Variants in CHD3 observed in about 807,000 individuals in gnomAD.
The protein encoded by CHD3 is ATP-dependent chromatin remodeler CHD3.
Under a neutral mutation model 248.9 loss-of-function variants are expected in CHD3, and 52 were observed. That is an observed-to-expected ratio of 0.21 (90% CI 0.17 to 0.26). CHD3 has a LOEUF of 0.26. Ranked by LOEUF, CHD3 falls within the 10% of genes least tolerant of loss-of-function variation. The probability of loss-of-function intolerance (pLI) is 1.00; values close to 1 mark genes in which losing one functional copy is unlikely to be tolerated. For synonymous variants in CHD3, 985 were observed against 985.2 expected (o/e 1.00, Z 0.00); for missense variants, 1,482 against 2,605.8 (o/e 0.57, Z 9.39).
chr17:7,890,382 TC>T (rs1269443260), intron 2 of CHD3, 188 bp from the exon 3 acceptor site: 2 of 452,584 alleles, frequency 4.4e-6, no homozygotes, highest in Admixed American at 4.0e-5. Context: ...TGAGCCGAGA[TC>T]ACGTCAGTGC....
intron 2 of CHD3, 130 bp from the exon 3 acceptor site, chr17:7,890,441 G>A (rs1968669947): frequency 3.0e-6 from 2 of 660,454 alleles, no homozygotes; most frequent in Non-Finnish European, 4.8e-6. Context: ...AAAAAAAAAA[G>A]GAGATAAAAA....
Position 7,904,129 on chromosome 17 carries a change from G to T in CHD3, c.3894+138G>T. 1.2e-6 allele frequency: 1 copy of T among 863,262 alleles called. No homozygotes were observed. The highest frequency in any genetic ancestry group is 1.7e-5 in the South Asian group (1 of 58,314). The allele number at this position is 863,262 out of a possible 1,614,324, so 53.5% of individuals were successfully genotyped here. A position where few individuals can be genotyped will look rare whatever the true frequency, so the allele number is the denominator to read the frequency against. Reference sequence around the variant, plus strand: ...CTCAAACAACTTCTTCGTCTAATAGGTGAGACTGGACTTCAGAGAGAAACG... The same window carrying T: ...CTCAAACAACTTCTTCGTCTAATAGTTGAGACTGGACTTCAGAGAGAAACG... On this transcript the variant is annotated intron_variant, in intron 24 of 39. Transcript: ENST00000330494. The surrounding 1 kb of genome is among the most constrained non-coding windows in gnomAD (Gnocchi z 4.4).
Position 7,897,355 on chromosome 17 carries a change from T to G in CHD3, c.1919+61T>G. The G allele has an allele frequency of 7.2e-7, 1 of 1,380,568 alleles. No individual in the cohort carries two copies. Among genetic ancestry groups the G allele is most frequent in the East Asian group, 2.3e-5 (1 of 43,688 alleles). 85.5% of individuals were successfully genotyped at this position (1,380,568 alleles called of 1,614,324 possible). A position where few individuals can be genotyped will look rare whatever the true frequency, so the allele number is the denominator to read the frequency against. ...TATGACATTATTCTTACCATGGTGA[T>G]GGCCCCATGTTAGTATTTGCTGATT... On this transcript the variant is annotated intron_variant, in intron 11 of 39. Coordinates refer to ENST00000330494, the MANE Select transcript of CHD3 (RefSeq NM_001005273.3). This position sits in a 1 kb window ranked among gnomAD's most constrained non-coding sequence, Gnocchi z 4.8.
rs1970515762 is a variant in CHD3, at chr17:7,903,174, G to A, written c.3496-98G>A. ...TAAATCTCTTCTGGGAGGAGAGAAG[G>A]CCCTTCTTCAGCAGCCTTCTTTCCT... On this transcript the variant is annotated intron_variant, in intron 22 of 39. Transcript: ENST00000330494. The surrounding 1 kb of genome is among the most constrained non-coding windows in gnomAD (Gnocchi z 6.8). The A allele has an allele frequency of 6.4e-7, 1 of 1,564,898 alleles. No individual in the cohort carries two copies. The highest frequency in any genetic ancestry group is 1.7e-5 in the Admixed American group (1 of 58,744).
Position 7,905,202 on chromosome 17 carries a change from C to G in CHD3, c.4138+37C>G, listed in dbSNP as rs753702435. ...GTTCCTGACTCTACCTCACCTCTTC[C>G]CGTTTTATTTTCCAGTTTGCTTTAA... On this transcript the variant is annotated intron_variant, in intron 26 of 39. Coordinates refer to ENST00000330494, the MANE Select transcript of CHD3 (RefSeq NM_001005273.3). This position sits in a 1 kb window ranked among gnomAD's most constrained non-coding sequence, Gnocchi z 5.8. 2 of 1,593,560 alleles carry G rather than the reference C, an allele frequency of 1.3e-6. No homozygotes were observed. The highest frequency in any genetic ancestry group is 1.7e-5 in the Admixed American group (1 of 59,970).
chr17:7,888,713 T>G, upstream of CHD3: 3 of 700,208 alleles, frequency 4.3e-6, no homozygotes, highest in Non-Finnish European at 5.9e-6. Context: ...GGCCTGAGAG[T>G]GTGTGTGGGT....
upstream of CHD3, chr17:7,885,370 C>T: frequency 6.8e-6 from 1 of 147,140 alleles, no homozygotes; most frequent in Non-Finnish European, 1.4e-5. Flanking sequence ...GCGCTGGGCG[C>T]GAGCTGCGCG....
Position 7,902,973 on chromosome 17 carries a change from C to T in CHD3, c.3407C>T (p.Thr1136Ile), listed in dbSNP as rs1567860640. 1 of 1,614,104 alleles carries T rather than the reference C, an allele frequency of 6.2e-7. No individual in the cohort carries two copies. Residue 1136 changes from threonine (T) to isoleucine (I), a missense_variant, in exon 22 of 40, where the codon ACC becomes ATC. This residue lies in a region of CHD3 where 6 missense variants were observed against 77.2 expected (regional missense o/e 0.08). Transcript: ENST00000330494. Reference sequence around the variant, plus strand: ...CAACAATTCTGCTTCCTCCTGTCCACCCGAGCTGGGGGCCTGGGCATCAAT... The same window carrying T: ...CAACAATTCTGCTTCCTCCTGTCCATCCGAGCTGGGGGCCTGGGCATCAAT... ...GAQQFCFLLS[T>I]RAGGLGINLA...
At position 7,910,240 on chromosome 17, in the gene CHD3, C is replaced by T; in HGVS notation, c.5591-188C>T. ...CTTTTCCTGACACTTTTTCTTTTCC[C>T]CTGAGTTGCTTCTGTTTTCCATCTA... On this transcript the variant is annotated intron_variant, in intron 37 of 39. Coordinates refer to ENST00000330494, the MANE Select transcript of CHD3 (RefSeq NM_001005273.3). The surrounding 1 kb of genome is among the most constrained non-coding windows in gnomAD (Gnocchi z 4.7). 1.5e-6 allele frequency: 1 copy of T among 673,004 alleles called. No homozygotes were observed. The highest frequency in any genetic ancestry group is 2.6e-6 in the Non-Finnish European group (1 of 389,770). The allele number at this position is 673,004 out of a possible 1,614,324, so 41.7% of individuals were successfully genotyped here.
Position 7,906,239 on chromosome 17 carries a change from G to A in CHD3, c.4358+250G>A, listed in dbSNP as rs1487576044. On this transcript the variant is annotated intron_variant, in intron 28 of 39. Coordinates refer to ENST00000330494, the MANE Select transcript of CHD3 (RefSeq NM_001005273.3). The surrounding 1 kb of genome is among the most constrained non-coding windows in gnomAD (Gnocchi z 5.0). ...GGCGTTGAAGCAAGGAGCCTCTCCT[G>A]GGCTGTCCTAGCCTCACATTTACTT... 5 of 754,034 alleles carry A rather than the reference G, an allele frequency of 6.6e-6. No individual in the cohort carries two copies. The Admixed American group carries it at 8.8e-5, about 13-fold the overall frequency. The allele number at this position is 754,034 out of a possible 1,614,324, so 46.7% of individuals were successfully genotyped here. A position where few individuals can be genotyped will look rare whatever the true frequency, so the allele number is the denominator to read the frequency against.
In CHD3 at chr17:7,888,892, C is replaced by T. The variant is rs1033077101; in HGVS notation, c.-109C>T. ...TGAGATCGGGAAACAAAGGGTATGG[C>T]CCCCTAGTTCCCAAAGGGAGCAGGG... On this transcript the variant is annotated 5_prime_UTR_variant, in exon 1 of 40. Transcript: ENST00000330494. The T allele has an allele frequency of 2.6e-6, 4 of 1,546,404 alleles. No homozygotes were observed.
In CHD3 at chr17:7,893,749, T is replaced by G. The variant is rs1188563963; in HGVS notation, c.794-56T>G. On this transcript the variant is annotated intron_variant, in intron 5 of 39. Transcript: ENST00000330494. ...CCAGAGGCCCCTGTGACCTCCATAA[T>G]TCCAGGATGTCATGACCTCTCCTTT... The G allele has an allele frequency of 8.2e-6, 13 of 1,591,268 alleles. No homozygotes were observed. In the Admixed American group the frequency reaches 2.3e-4, roughly 29 times the overall value.
intron 3 of CHD3, 48 bp from the exon 4 acceptor site, chr17:7,890,892 A>G: frequency 6.2e-7 from 1 of 1,611,720 alleles, no homozygotes; most frequent in Non-Finnish European, 8.5e-7. Context: ...TGCGGCCTGG[A>G]ATAGGGGCTG....
chr17:7,891,190 A>G, intron 4 of CHD3, 126 bp downstream of exon 4: 1 of 1,106,586 alleles, frequency 9.0e-7, no homozygotes, highest in Non-Finnish European at 1.3e-6. Context: ...TACACACCAA[A>G]TTCTACACGT....
In CHD3 at chr17:7,897,344, T is replaced by TA. The variant is rs1224890677; in HGVS notation, c.1919+51dup. 6.8e-6 allele frequency: 10 copies of TA among 1,476,942 alleles called. No homozygotes were observed. The highest frequency in any genetic ancestry group is 2.0e-4 in the Middle Eastern group (1 of 4,906). 91.5% of individuals were successfully genotyped at this position (1,476,942 alleles called of 1,614,324 possible). ...CAGACCTGGTATATGACATTATTCT[T>TA]ACCATGGTGATGGCCCCATGTTAGT... On this transcript the variant is annotated intron_variant, in intron 11 of 39. Coordinates refer to ENST00000330494, the MANE Select transcript of CHD3 (RefSeq NM_001005273.3). This position sits in a 1 kb window ranked among gnomAD's most constrained non-coding sequence, Gnocchi z 4.8.
chr17:7,910,819 T>G lies in CHD3; in HGVS notation c.5755-28T>G, dbSNP rs1356025326. 1 of 1,584,058 alleles carries G rather than the reference T, an allele frequency of 6.3e-7. No homozygotes were observed. Among genetic ancestry groups the G allele is most frequent in the African/African-American group, 1.4e-5 (1 of 72,842 alleles). On this transcript the variant is annotated intron_variant, in intron 38 of 39. Transcript: ENST00000330494. The surrounding 1 kb of genome is among the most constrained non-coding windows in gnomAD (Gnocchi z 4.7). ...TTCCTCTCACAGACTATGAACTAAC[T>G]CCAACTTCTGCTTCCTCTCTGTTCC...
chr17:7,909,239 G>A lies in CHD3; in HGVS notation c.5491G>A (p.Ala1831Thr), dbSNP rs1971349334. The A allele has an allele frequency of 3.2e-6, 5 of 1,552,068 alleles. 1 individual carries two copies. The highest frequency in any genetic ancestry group is 2.7e-5 in the African/African-American group (2 of 73,100). Reference protein sequence around the residue: ...EPAHPAMALHARFAEAECLAE... With the variant: ...EPAHPAMALHTRFAEAECLAE... ...GGCGCACCCCGCCATGGCCCTCCAC[G>A]CCCGCTTCGCCGAGGCCGAGTGCCT... is the stretch of plus-strand genomic sequence containing the variant. Residue 1831 changes from alanine (A) to threonine (T), a missense_variant, in exon 37 of 40, where the codon GCC becomes ACC. Around this residue, in one of 20 missense-constraint regions of CHD3, gnomAD observed 83 missense variants for 181.0 expected, o/e 0.46. Coordinates refer to ENST00000330494, the MANE Select transcript of CHD3 (RefSeq NM_001005273.3). The surrounding 1 kb of genome is among the most constrained non-coding windows in gnomAD (Gnocchi z 8.1).
Position 7,906,719 on chromosome 17 carries a change from A to C in CHD3, c.4503+22A>C. The C allele has an allele frequency of 6.3e-7, 1 of 1,590,710 alleles. No homozygotes were observed. The highest frequency in any genetic ancestry group is 8.6e-7 in the Non-Finnish European group (1 of 1,167,184). Reference sequence around the variant, plus strand: ...GAAGGTATCAGTCTTCCTGTCACCCAAAGAATCAAGCTGGCTGCCTAGTCT... The same window carrying C: ...GAAGGTATCAGTCTTCCTGTCACCCCAAGAATCAAGCTGGCTGCCTAGTCT... On this transcript the variant is annotated intron_variant, in intron 29 of 39. Transcript: ENST00000330494. The surrounding 1 kb of genome is among the most constrained non-coding windows in gnomAD (Gnocchi z 5.0).
At position 7,909,421 on chromosome 17, in the gene CHD3, C is replaced by T; in HGVS notation, c.5590+83C>T. On this transcript the variant is annotated intron_variant, in intron 37 of 39. Transcript: ENST00000330494. The surrounding 1 kb of genome is among the most constrained non-coding windows in gnomAD (Gnocchi z 8.1). ...CCCCGCACCCCTCAAAATCTTCCCA[C>T]CCCCTGACCCCTCTACCTGCTGAAC... 2.8e-6 allele frequency: 4 copies of T among 1,448,416 alleles called. No individual in the cohort carries two copies. The highest frequency in any genetic ancestry group is 2.5e-5 in the East Asian group (1 of 39,576). 89.7% of individuals were successfully genotyped at this position (1,448,416 alleles called of 1,614,324 possible).
Sources: allele counts gnomAD v4.1 joint callset, GRCh38; gene constraint gnomAD v4.1.1; regional missense constraint gnomAD v4.1.1; non-coding constraint Gnocchi (gnomAD v3.1); transcripts MANE v1.5; gene names NCBI Gene and HGNC (gene_info 2026-07-23, HGNC 2026-07-21).